GLRA2: variants seen among roughly 807,000 people sequenced by gnomAD.
GLRA2 encodes the protein glycine receptor subunit alpha-2.
Under a neutral mutation model 31.6 loss-of-function variants are expected in GLRA2, and 11 were observed. That is an observed-to-expected ratio of 0.35 (90% CI 0.22 to 0.58). The LOEUF (loss-of-function observed/expected upper bound fraction) is 0.58, where lower values mean the gene tolerates loss of function less well. Ranked by LOEUF, GLRA2 falls within the 20% of genes least tolerant of loss-of-function variation. GLRA2 has a pLI of 0.84. For synonymous variants in GLRA2, 132 were observed against 134.0 expected, an observed-to-expected ratio of 0.99 and a Z score of 0.10; for missense variants, 212 against 351.8, an observed-to-expected ratio of 0.60 and a Z score of 3.18.
At chrX:14,537,543 C>T (rs1164352718) in intron 2 of GLRA2, among the ~76,000 whole-genome samples, 1 of 111,205 alleles carries the variant, frequency 9.0e-6, no homozygotes, top group Non-Finnish European at 1.9e-5. Context: ...AGTACCCAAG[C>T]CCTTGAAAGA....
Position 14,652,039 on chromosome X carries a change from A to T in GLRA2, c.931-38671A>T, listed in dbSNP as rs2090895363. On this transcript the variant is annotated intron_variant, in intron 7 of 8. Transcript: ENST00000218075. ...ATGAGCACACAATGAGAAAGCAGCC[A>T]TTCACAAGCCAGGAAGAGGACCCTC... 3.6e-5 allele frequency among the ~76,000 whole-genome samples: 4 copies of T among 111,549 alleles called. No individual in the cohort carries two copies. In the South Asian group the frequency reaches 1.5e-3, roughly 43 times the overall value.
intron 2 of GLRA2, among the ~76,000 whole-genome samples, chrX:14,534,544 T>G (rs1483755797): frequency 9.0e-6 from 1 of 111,140 alleles, no homozygotes; most frequent in Non-Finnish European, 1.9e-5. Context: ...CCATGGAATT[T>G]TATATGTCTA....
chrX:14,580,700 C>T (rs1008999906), intron 3 of GLRA2, among the ~76,000 whole-genome samples: 1 of 111,825 alleles, frequency 8.9e-6, no homozygotes, highest in Non-Finnish European at 1.9e-5. Flanking sequence ...TAAAATATTG[C>T]CCCATCATGT....
Position 14,731,582 on chromosome X carries a change from G to T in GLRA2, c.*1097G>T, listed in dbSNP as rs918859612. On this transcript the variant is annotated 3_prime_UTR_variant, in exon 9 of 9. Transcript: ENST00000218075. ...TTTAAATATCCTTAACTAACTTAAA[G>T]AATTTTAAAATTGTACTGTGATTTT... is the stretch of plus-strand genomic sequence containing the variant. 9.0e-6 allele frequency: 1 copy of T among 111,590 alleles called. No homozygotes were observed. Among genetic ancestry groups the T allele is most frequent in the Non-Finnish European group, 1.9e-5 (1 of 53,094 alleles). 9.2% of individuals were successfully genotyped at this position (111,590 alleles called of 1,213,427 possible).
chrX:14,465,411 A>G, the GLRA2 span, among the ~76,000 whole-genome samples: 1 of 112,053 alleles, frequency 8.9e-6, no homozygotes, highest in Non-Finnish European at 1.9e-5. Flanking sequence ...AGACAATTCG[A>G]CTTCTTCTTT....
rs779719664 is a variant in GLRA2 at position 14,690,739 on chromosome X, G to A, written c.960G>A (p.Trp320Ter). ...KVSYVKAIDI[W>*]MAVCLLFVFA... Reference sequence around the variant, plus strand: ...CCTATGTAAAAGCGATTGACATCTGGATGGCGGTGTGCCTTCTGTTTGTGT... The same window carrying A: ...CCTATGTAAAAGCGATTGACATCTGAATGGCGGTGTGCCTTCTGTTTGTGT... The change falls in exon 8 of 9, where the codon TGG becomes TGA. Residue 320 changes from tryptophan to a stop codon, truncating the protein, a stop_gained. Coordinates refer to ENST00000218075, the MANE Select transcript of GLRA2 (RefSeq NM_002063.4). LOFTEE classifies it high-confidence loss of function. 2 of 1,203,328 alleles carry A rather than the reference G, an allele frequency of 1.7e-6. No individual in the cohort carries two copies. Among genetic ancestry groups the A allele is most frequent in the Non-Finnish European group, 1.1e-6 (1 of 888,988 alleles).
chrX:14,707,145 G>A (rs781526407), intron 8 of GLRA2, among the ~76,000 whole-genome samples: 3 of 111,613 alleles, frequency 2.7e-5, no homozygotes, highest in Admixed American at 9.5e-5. Flanking sequence ...TTGAATTCCC[G>A]TCCTCTTAAT....
chrX:14,531,012 A>G, intron 1 of GLRA2: 1 of 933,749 alleles, frequency 1.1e-6, no homozygotes, highest in Admixed American at 3.3e-5. Context: ...TGCTATGAAT[A>G]CTGGGAAAAC....
At chrX:14,563,966 G>A (rs1233683223) in intron 2 of GLRA2, among the ~76,000 whole-genome samples, 1 of 110,715 alleles carries the variant, frequency 9.0e-6, no homozygotes, top group Non-Finnish European at 1.9e-5. Context: ...GATACCAATG[G>A]GAACCCATCA....
At position 14,731,361 on chromosome X, in the gene GLRA2, C is replaced by G. The variant is rs1017856957; in HGVS notation, c.*876C>G. On this transcript the variant is annotated 3_prime_UTR_variant, in exon 9 of 9. Coordinates refer to ENST00000218075, the MANE Select transcript of GLRA2 (RefSeq NM_002063.4). ...TATTTTTGCTTTGGCTATATTTACA[C>G]GTGACTTTAATCGCCCAACTGTGAC... The G allele has an allele frequency of 2.7e-5, 3 of 111,784 alleles. No homozygotes were observed. Among genetic ancestry groups the G allele is most frequent in the Non-Finnish European group, 5.6e-5 (3 of 53,185 alleles). The allele number at this position is 111,784 out of a possible 1,213,427, so 9.2% of individuals were successfully genotyped here. A position where few individuals can be genotyped will look rare whatever the true frequency, so the allele number is the denominator to read the frequency against.
At chrX:14,657,196 T>C (rs775206054) in intron 7 of GLRA2, among the ~76,000 whole-genome samples, 1 of 112,088 alleles carries the variant, frequency 8.9e-6, no homozygotes, top group African/African-American at 3.2e-5. Context: ...AGAGCACTTA[T>C]GGGAAACATA....
chrX:14,535,230 C>T (rs1051643751), intron 2 of GLRA2, among the ~76,000 whole-genome samples: 2 of 112,057 alleles, frequency 1.8e-5, no homozygotes, highest in Admixed American at 9.5e-5. Context: ...TAGCATATTT[C>T]TCTGTTTTCC....
At chrX:14,574,635 T>C in intron 3 of GLRA2, 1 of 778,168 alleles carries the variant, frequency 1.3e-6, no homozygotes, top group Admixed American at 2.3e-5. Flanking sequence ...GGCATATTTG[T>C]GAGACATTTA....
intron 2 of GLRA2, among the ~76,000 whole-genome samples, chrX:14,570,461 C>A (rs1306105708): frequency 2.7e-5 from 3 of 111,362 alleles, no homozygotes; most frequent in Admixed American, 9.5e-5. Context: ...TACAAGTGAT[C>A]ATAATTTTGA....
At chrX:14,515,034 CTTATT>C in the GLRA2 span, among the ~76,000 whole-genome samples, 2 of 111,266 alleles carry the variant, frequency 1.8e-5, no homozygotes, top group African/African-American at 6.5e-5. Context: ...GTCTTTTACT[CTTATT>C]TTATTTTTCT....
intron 7 of GLRA2, among the ~76,000 whole-genome samples, chrX:14,679,375 C>T (rs1401928119): frequency 9.1e-6 from 1 of 109,674 alleles, no homozygotes; most frequent in African/African-American, 3.3e-5. Flanking sequence ...ATAATGTCTA[C>T]TTTGCTAAGA....
chrX:14,476,474 G>C, the GLRA2 span, among the ~76,000 whole-genome samples: 1 of 111,571 alleles, frequency 9.0e-6, no homozygotes, highest in Non-Finnish European at 1.9e-5. Context: ...TCAGAATGTG[G>C]TAAGGTAGCT....
intron 2 of GLRA2, among the ~76,000 whole-genome samples, chrX:14,539,749 T>C (rs997170763): frequency 1.8e-5 from 2 of 112,047 alleles, no homozygotes; most frequent in Non-Finnish European, 3.8e-5. Context: ...CCATAGGCAA[T>C]TATCATTTGA....
At chrX:14,603,663 A>G (rs1298810177) in intron 4 of GLRA2, among the ~76,000 whole-genome samples, 1 of 112,158 alleles carries the variant, frequency 8.9e-6, no homozygotes, top group Non-Finnish European at 1.9e-5. Flanking sequence ...CCCAAAAACA[A>G]ATGCAATAAA....
Sources: gnomAD v4.1 joint callset for allele counts (sites outside exome capture counted in the v4.1 genomes callset) on GRCh38, gnomAD v4.1.1 for gene constraint, MANE v1.5 for transcripts, NCBI Gene and HGNC (gene_info 2026-07-23, HGNC 2026-07-21) for gene names.